The following ERBB4 variants were observed in gnomAD, a reference collection of about 807,000 sequenced individuals.
ERBB4 encodes erb-b2 receptor tyrosine kinase 4.
Under a neutral mutation model 158.0 loss-of-function variants are expected in ERBB4, and 42 were observed. The ratio of observed to expected loss-of-function variants is 0.27; its 90% CI spans 0.21 to 0.34. ERBB4 has a LOEUF of 0.34. Among genes scored for constraint, ERBB4 ranks in the 10% least tolerant of loss-of-function variants. The pLI is 1.00. For missense variants in ERBB4, 1,333 were observed against 1,624.1 expected, an observed-to-expected ratio of 0.82 and a Z score of 3.08; for synonymous variants, 583 against 558.7, an observed-to-expected ratio of 1.04 and a Z score of -0.61.
rs187436485 is a variant in ERBB4, at chr2:211,609,633, G to T, written c.2301+9544C>A. On this transcript the variant is annotated intron_variant, in intron 19 of 27. Coordinates refer to ENST00000342788, the MANE Select transcript of ERBB4 (RefSeq NM_005235.3). ...TCCTAGCTCATTTCAGCCTTGAACT[G>T]CTGCACTCAAGTGATCTTCTCACCT... is the stretch of plus-strand genomic sequence containing the variant. Among the ~76,000 whole-genome samples the T allele has an allele frequency of 3.6e-4, 55 of 152,266 alleles. 1 individual carries two copies. The highest frequency in any genetic ancestry group is 3.4e-3 in the Middle Eastern group (1 of 294).
At chr2:212,415,017 T>C (rs1017452116) in intron 1 of ERBB4, among the ~76,000 whole-genome samples, 4 of 152,196 alleles carry the variant, frequency 2.6e-5, no homozygotes, top group Non-Finnish European at 4.4e-5. Flanking sequence ...TGCTTTTTTG[T>C]TTGTAACAAA....
chr2:212,483,133 T>C (rs1347587214), intron 1 of ERBB4, among the ~76,000 whole-genome samples: 2 of 152,208 alleles, frequency 1.3e-5, no homozygotes, highest in African/African-American at 4.8e-5. Context: ...GAGTGACCAC[T>C]TAACCCACTC....
At chr2:212,170,976 G>A (rs1243774912) in intron 1 of ERBB4, among the ~76,000 whole-genome samples, 2 of 152,040 alleles carry the variant, frequency 1.3e-5, no homozygotes. Flanking sequence ...CCATCCTCCA[G>A]GCCCAAGAAT....
intron 1 of ERBB4, among the ~76,000 whole-genome samples, chr2:212,480,281 C>T (rs953550844): frequency 6.6e-6 from 1 of 152,034 alleles, no homozygotes; most frequent in African/African-American, 2.4e-5. Context: ...CTATCAAGTA[C>T]ACTTTACTGG....
intron 1 of ERBB4, among the ~76,000 whole-genome samples, chr2:212,362,816 TA>T (rs1175920592): frequency 6.6e-6 from 1 of 151,110 alleles, no homozygotes; most frequent in Non-Finnish European, 1.5e-5. Context: ...ACTTCTTTCA[TA>T]AAAAAATATA....
intron 1 of ERBB4, among the ~76,000 whole-genome samples, chr2:212,244,284 CT>C (rs2084230089): frequency 1.3e-5 from 2 of 152,044 alleles, no homozygotes; most frequent in African/African-American, 2.4e-5. Context: ...CTTTTTACCC[CT>C]GACTTCCAAA....
chr2:212,284,884 G>T (rs2085902931), intron 1 of ERBB4, among the ~76,000 whole-genome samples: 1 of 152,082 alleles, frequency 6.6e-6, no homozygotes, highest in Non-Finnish European at 1.5e-5. Context: ...TAATTGTCCA[G>T]AAGTTCAGTA....
At chr2:212,173,058 T>C (rs754872970) in intron 1 of ERBB4, among the ~76,000 whole-genome samples, 3 of 152,112 alleles carry the variant, frequency 2.0e-5, no homozygotes, top group Admixed American at 1.3e-4. Flanking sequence ...ATATGTAGAA[T>C]ATGGGTTCAT....
chr2:212,149,044 T>G (rs1216208495), intron 1 of ERBB4, among the ~76,000 whole-genome samples: 1 of 135,440 alleles, frequency 7.4e-6, no homozygotes, highest in East Asian at 2.3e-4. Context: ...AGGGATAGCA[T>G]TGGGAGATAT....
chr2:212,443,265 G>A (rs2092289276), intron 1 of ERBB4, among the ~76,000 whole-genome samples: 1 of 152,146 alleles, frequency 6.6e-6, no homozygotes, highest in Non-Finnish European at 1.5e-5. Flanking sequence ...TATCATATTG[G>A]TCCATTACAT....
intron 4 of ERBB4, among the ~76,000 whole-genome samples, chr2:211,774,223 C>G (rs1298530869): frequency 1.3e-5 from 2 of 151,964 alleles, no homozygotes; most frequent in African/African-American, 2.4e-5. Context: ...CTAGCACCTG[C>G]CATCATGCCC....
At chr2:212,260,398 C>A (rs937580463) in intron 1 of ERBB4, among the ~76,000 whole-genome samples, 1 of 152,116 alleles carries the variant, frequency 6.6e-6, no homozygotes, top group Non-Finnish European at 1.5e-5. Flanking sequence ...AATATTATGA[C>A]CAAAGTTTGA....
chr2:212,170,719 C>A (rs2081489498), intron 1 of ERBB4, among the ~76,000 whole-genome samples: 1 of 152,090 alleles, frequency 6.6e-6, no homozygotes, highest in Non-Finnish European at 1.5e-5. Flanking sequence ...ATTGCCCGAG[C>A]CTTGGTGACT....
At chr2:212,288,070 A>G (rs1044999147) in intron 1 of ERBB4, among the ~76,000 whole-genome samples, 2 of 152,144 alleles carry the variant, frequency 1.3e-5, no homozygotes, top group African/African-American at 4.8e-5. Flanking sequence ...TGTTAGAAAA[A>G]GAAAAGGAAT....
chr2:212,427,019 C>A (rs1383312962), intron 1 of ERBB4, among the ~76,000 whole-genome samples: 1 of 152,110 alleles, frequency 6.6e-6, no homozygotes, highest in Non-Finnish European at 1.5e-5. Flanking sequence ...TTAATAGTAT[C>A]TTCTTGTCAT....
chr2:212,015,039 AAAATATATATAT>A (rs2076479708), intron 2 of ERBB4, among the ~76,000 whole-genome samples: 1 of 14,422 alleles, frequency 6.9e-5, no homozygotes, highest in African/African-American at 1.4e-4. Context: ...AAAAAAAAAA[AAAATATATATAT>A]ATATATATAT....
At chr2:211,914,884 G>A (rs1329535909) in intron 3 of ERBB4, among the ~76,000 whole-genome samples, 1 of 152,054 alleles carries the variant, frequency 6.6e-6, no homozygotes, top group Non-Finnish European at 1.5e-5. Flanking sequence ...AAGCAGAACA[G>A]AGGAGTAAGC....
In ERBB4 at chr2:212,499,567, G is replaced by A. The variant is rs576380763; in HGVS notation, c.82+38882C>T. Among the ~76,000 whole-genome samples the A allele has an allele frequency of 1.4e-4, 22 of 152,180 alleles. 2 individuals carry two copies. Among genetic ancestry groups the A allele is most frequent in the African/African-American group, 5.3e-4 (22 of 41,556 alleles). ...CTTAGCTGTGAGCCTGTGGGAATCT[G>A]GATAGGAATGATAGCCCAAATGGAG... is the stretch of plus-strand genomic sequence containing the variant. On this transcript the variant is annotated intron_variant, in intron 1 of 27. Transcript: ENST00000342788.
chr2:212,122,273 T>C (rs12468336), intron 2 of ERBB4, among the ~76,000 whole-genome samples: 62,350 of 151,720 alleles, frequency 0.41, 15,234 homozygotes, highest in Non-Finnish European at 0.55. Context: ...CATTGTTTAC[T>C]TGGGATTGCA....
Sources: gnomAD v4.1 joint callset for allele counts (sites outside exome capture counted in the v4.1 genomes callset) on GRCh38, gnomAD v4.1.1 for gene constraint, MANE v1.5 for transcripts, NCBI Gene and HGNC (gene_info 2026-07-23, HGNC 2026-07-21) for gene names.